The following FXN variants were observed in gnomAD, a reference collection of about 807,000 sequenced individuals.
FXN encodes frataxin, mitochondrial.
FXN carries 14 observed loss-of-function variants against 22.4 expected under a neutral mutation model. That is an observed-to-expected ratio of 0.62 (90% CI 0.41 to 0.98). FXN has a LOEUF of 0.98. FXN is among the 50% of genes least tolerant of loss of function. FXN has a pLI of 0.00. For missense variants in FXN, 267 were observed against 268.4 expected (o/e 0.99, Z 0.04); for synonymous variants, 120 against 114.1 (o/e 1.05, Z -0.33).
chr9:69,076,877 T>A lies in FXN; in HGVS notation c.*4115T>A, dbSNP rs1832379129. On this transcript the variant is annotated 3_prime_UTR_variant, in exon 5 of 5. Coordinates refer to ENST00000484259, the MANE Select transcript of FXN (RefSeq NM_000144.5). ...GAAATTTCATGTAAATTTATGCTGT[T>A]CAAAACGACGAGTTCATGACTTTGT... The A allele has an allele frequency of 7.1e-6, 7 of 985,330 alleles. No homozygotes were observed. The highest frequency in any genetic ancestry group is 5.2e-5 in the African/African-American group (3 of 57,236). The allele number at this position is 985,330 out of a possible 1,614,324, so 61.0% of individuals were successfully genotyped here.
Position 69,037,270 on chromosome 9 carries a change from C to CA in FXN, c.165+1339dup, listed in dbSNP as rs1203904162. Among the ~76,000 whole-genome samples, 53 of 80,632 alleles carry CA rather than the reference C, an allele frequency of 6.6e-4. 5 individuals carry two copies. Among genetic ancestry groups the CA allele is most frequent in the Non-Finnish European group, 7.0e-4 (29 of 41,438 alleles). 52.9% of individuals were successfully genotyped at this position (80,632 alleles called of 152,430 possible). On this transcript the variant is annotated intron_variant, in intron 1 of 4. Coordinates refer to ENST00000484259, the MANE Select transcript of FXN (RefSeq NM_000144.5). Reference sequence around the variant, plus strand: ...GAAACCCAGTATCTACTAAAAAATACAAAAAAAAAAAAAAAAGAAGAAGAA... The same window carrying CA: ...GAAACCCAGTATCTACTAAAAAATACAAAAAAAAAAAAAAAAAGAAGAAGAA...
rs1259763036 is a variant in FXN at position 69,074,532 on chromosome 9, AAGG to A, written c.*1774_*1776del. 3.4e-6 allele frequency: 3 copies of A among 882,518 alleles called. No homozygotes were observed. Among genetic ancestry groups the A allele is most frequent in the Non-Finnish European group, 4.1e-6 (3 of 738,566 alleles). The allele number at this position is 882,518 out of a possible 1,614,324, so 54.7% of individuals were successfully genotyped here. A position where few individuals can be genotyped will look rare whatever the true frequency, so the allele number is the denominator to read the frequency against. ...GAGACTCCGTCTCAAAAAAAAAAAA[AAGG>A]AGGGTTTATTAATGAGAAGTTTGTA... On this transcript the variant is annotated 3_prime_UTR_variant, in exon 5 of 5. Coordinates refer to ENST00000484259, the MANE Select transcript of FXN (RefSeq NM_000144.5).
Position 69,048,984 on chromosome 9 carries a change from G to A in FXN, c.263+2502G>A, listed in dbSNP as rs372408983. Among the ~76,000 whole-genome samples, 11 of 152,270 alleles carry A rather than the reference G, an allele frequency of 7.2e-5. No homozygotes were observed. In the South Asian group the frequency reaches 1.0e-3, roughly 14 times the overall value. Reference sequence around the variant, plus strand: ...TTTGGTGGCATCCATTTCCAGCCTCGGCTTCCGGCATTCCTCCCCCAGCAG... The same window carrying A: ...TTTGGTGGCATCCATTTCCAGCCTCAGCTTCCGGCATTCCTCCCCCAGCAG... On this transcript the variant is annotated intron_variant, in intron 2 of 4. Coordinates refer to ENST00000484259, the MANE Select transcript of FXN (RefSeq NM_000144.5).
chr9:69,062,922 G>T (rs1017465188), intron 3 of FXN, among the ~76,000 whole-genome samples: 2 of 151,992 alleles, frequency 1.3e-5, no homozygotes, highest in Admixed American at 6.6e-5. Context: ...GCCGAGTGCA[G>T]TAGCTCACAC....
At chr9:69,037,424 C>A (rs1433047522) in intron 1 of FXN, among the ~76,000 whole-genome samples, 1 of 151,624 alleles carries the variant, frequency 6.6e-6, no homozygotes, top group Non-Finnish European at 1.5e-5. Flanking sequence ...CAAGATCGCC[C>A]AATGCACTCC....
intron 4 of FXN, among the ~76,000 whole-genome samples, chr9:69,069,803 C>T (rs990422925): frequency 5.3e-5 from 8 of 152,176 alleles, no homozygotes; most frequent in East Asian, 1.9e-4. Context: ...GCCTACTGCC[C>T]GACCTCTAGC....
chr9:69,066,979 C>A (rs1832177854), intron 4 of FXN, among the ~76,000 whole-genome samples: 1 of 152,230 alleles, frequency 6.6e-6, no homozygotes, highest in Non-Finnish European at 1.5e-5. Context: ...CGGTCCACCT[C>A]AGGCCCCTCC....
In FXN at chr9:69,037,334, C is replaced by T. The variant is rs553486348; in HGVS notation, c.165+1387C>T. 3.4e-3 allele frequency among the ~76,000 whole-genome samples: 481 copies of T among 143,198 alleles called. 2 individuals carry two copies. Among genetic ancestry groups the T allele is most frequent in the African/African-American group, 0.011 (442 of 39,168 alleles). 93.9% of individuals were successfully genotyped at this position (143,198 alleles called of 152,430 possible). ...AAGAAAAGTTAGCCGGGCGTGGTGT[C>T]GCGCGCCTGTAATCCCAGCTACTCC... On this transcript the variant is annotated intron_variant, in intron 1 of 4. Coordinates refer to ENST00000484259, the MANE Select transcript of FXN (RefSeq NM_000144.5).
chr9:69,061,473 A>C (rs953225988), intron 3 of FXN, among the ~76,000 whole-genome samples: 1 of 152,084 alleles, frequency 6.6e-6, no homozygotes, highest in Admixed American at 6.5e-5. Flanking sequence ...TTTAAGGGCC[A>C]CAAAGAGAAC....
Position 69,075,753 on chromosome 9 carries a change from C to T in FXN, c.*2991C>T, listed in dbSNP as rs1832354480. On this transcript the variant is annotated 3_prime_UTR_variant, in exon 5 of 5. Coordinates refer to ENST00000484259, the MANE Select transcript of FXN (RefSeq NM_000144.5). ...TTTTTCCCCTTTCTATTTTTTGAGACAGGATCTCACTTTGGCACTCAGGCT... is the reference window on the plus strand; with the variant it reads ...TTTTTCCCCTTTCTATTTTTTGAGATAGGATCTCACTTTGGCACTCAGGCT... 1.0e-6 allele frequency: 1 copy of T among 960,022 alleles called. No individual in the cohort carries two copies. Among genetic ancestry groups the T allele is most frequent in the East Asian group, 1.2e-4 (1 of 8,670 alleles). 59.5% of individuals were successfully genotyped at this position (960,022 alleles called of 1,614,324 possible).
intron 1 of FXN, among the ~76,000 whole-genome samples, chr9:69,044,068 T>A (rs1179026515): frequency 6.6e-6 from 1 of 152,182 alleles, no homozygotes; most frequent in Non-Finnish European, 1.5e-5. Flanking sequence ...ATAAGGTGTC[T>A]TTAAACAGAA....
intron 4 of FXN, among the ~76,000 whole-genome samples, chr9:69,068,226 C>T (rs1215472980): frequency 6.6e-6 from 1 of 152,222 alleles, no homozygotes; most frequent in Non-Finnish European, 1.5e-5. Flanking sequence ...TGCTGTAGGG[C>T]CAGGTGGAGC....
Position 69,074,295 on chromosome 9 carries a change from T to G in FXN, c.*1533T>G, listed in dbSNP as rs11145047. ...TTTTAATTTTTACTGACCTGCACTT[T>G]ATACAAAGCAACAAGCCTCCAGGAC... On this transcript the variant is annotated 3_prime_UTR_variant, in exon 5 of 5. Coordinates refer to ENST00000484259, the MANE Select transcript of FXN (RefSeq NM_000144.5). 0.059 allele frequency: 58,372 copies of G among 985,154 alleles called. 1,921 individuals carry two copies. The highest frequency in any genetic ancestry group is 0.064 in the Non-Finnish European group (53,202 of 829,704). 61.0% of individuals were successfully genotyped at this position (985,154 alleles called of 1,614,324 possible). A position where few individuals can be genotyped will look rare whatever the true frequency, so the allele number is the denominator to read the frequency against.
intron 4 of FXN, among the ~76,000 whole-genome samples, chr9:69,066,777 C>T (rs1457251298): frequency 6.6e-6 from 1 of 152,056 alleles, no homozygotes; most frequent in Non-Finnish European, 1.5e-5. Flanking sequence ...CCCAGCAATA[C>T]GCTCTAGCTG....
chr9:69,053,360 A>C, intron 3 of FXN, 100 bp downstream of exon 3: 1 of 1,407,928 alleles, frequency 7.1e-7, no homozygotes, highest in Non-Finnish European at 1.0e-6. Context: ...ATCAAGTAGC[A>C]TGTAGTTGTA....
At chr9:69,037,405 GCATTAA>G (rs1831583593) in intron 1 of FXN, among the ~76,000 whole-genome samples, 1 of 152,008 alleles carries the variant, frequency 6.6e-6, no homozygotes, top group Non-Finnish European at 1.5e-5. Flanking sequence ...GGCAGAGGTT[GCATTAA>G]GCCAAGATCG....
intron 4 of FXN, among the ~76,000 whole-genome samples, chr9:69,071,799 G>T (rs908490185): frequency 3.3e-5 from 5 of 152,202 alleles, no homozygotes; most frequent in Non-Finnish European, 7.3e-5. Context: ...GGGTATAGTT[G>T]GCCTTGTGTA....
rs1204413742 is a variant in FXN, at chr9:69,078,255, C to CA, written c.*5494dup. The CA allele has an allele frequency of 3.0e-6, 3 of 985,280 alleles. No individual in the cohort carries two copies. The highest frequency in any genetic ancestry group is 3.6e-6 in the Non-Finnish European group (3 of 829,902). 61.0% of individuals were successfully genotyped at this position (985,280 alleles called of 1,614,324 possible). ...AATGTGAAGTGAATGGTGCCACTGA[C>CA]AGTTATGCAAACCGTCCAGAGCATA... On this transcript the variant is annotated 3_prime_UTR_variant, in exon 5 of 5. Coordinates refer to ENST00000484259, the MANE Select transcript of FXN (RefSeq NM_000144.5).
chr9:69,041,091 A>AT (rs1426855713), intron 1 of FXN, among the ~76,000 whole-genome samples: 1 of 152,180 alleles, frequency 6.6e-6, no homozygotes. Context: ...AGGTTAAGAG[A>AT]TAGAATTTGT....
Sources: gnomAD v4.1 joint callset for allele counts (sites outside exome capture counted in the v4.1 genomes callset) on GRCh38, gnomAD v4.1.1 for gene constraint, MANE v1.5 for transcripts, NCBI Gene and HGNC (gene_info 2026-07-23, HGNC 2026-07-21) for gene names.